Variants in RABGAP1L observed in about 807,000 individuals in gnomAD.
RABGAP1L encodes RAB GTPase activating protein 1 like.
RABGAP1L carries 63 observed loss-of-function variants against 137.7 expected under a neutral mutation model. That is an observed-to-expected ratio of 0.46 (90% CI 0.37 to 0.56). RABGAP1L has a LOEUF of 0.56. RABGAP1L is among the 20% of genes least tolerant of loss of function. The pLI, the probability that RABGAP1L is intolerant of heterozygous loss-of-function variation, is 0.00. For missense variants in RABGAP1L, 1,095 were observed against 1,244.0 expected, an observed-to-expected ratio of 0.88 and a Z score of 1.80; for synonymous variants, 431 against 433.7, an observed-to-expected ratio of 0.99 and a Z score of 0.08.
At chr1:174,563,001 A>G (rs901643340) in intron 13 of RABGAP1L, among the ~76,000 whole-genome samples, 9 of 151,812 alleles carry the variant, frequency 5.9e-5, no homozygotes, top group African/African-American at 2.2e-4. Context: ...CTTAAAGTAT[A>G]ATAAAAAAAG....
chr1:174,322,029 T>G (rs1416536463), intron 11 of RABGAP1L, among the ~76,000 whole-genome samples: 1 of 152,212 alleles, frequency 6.6e-6, no homozygotes, highest in African/African-American at 2.4e-5. Context: ...TCTTTCATTC[T>G]GTAATTTGTT....
At chr1:174,480,646 A>G (rs536972909) in intron 13 of RABGAP1L, among the ~76,000 whole-genome samples, 1 of 152,308 alleles carries the variant, frequency 6.6e-6, no homozygotes, top group East Asian at 1.9e-4. Flanking sequence ...AAAGTTTTGT[A>G]TCAGAAATAG....
intron 3 of RABGAP1L, among the ~76,000 whole-genome samples, chr1:174,222,059 G>A (rs980639967): frequency 6.6e-6 from 1 of 151,322 alleles, no homozygotes; most frequent in African/African-American, 2.4e-5. Context: ...TGAATTCCTG[G>A]CTTCAGGTGA....
At chr1:174,166,280 G>C (rs1487790119) in intron 1 of RABGAP1L, among the ~76,000 whole-genome samples, 2 of 151,992 alleles carry the variant, frequency 1.3e-5, no homozygotes, top group Non-Finnish European at 2.9e-5. Flanking sequence ...CAAATTGGCT[G>C]TAGTAGAACA....
chr1:174,604,583 G>T (rs1445771413), intron 13 of RABGAP1L, among the ~76,000 whole-genome samples: 1 of 152,158 alleles, frequency 6.6e-6, no homozygotes, highest in Non-Finnish European at 1.5e-5. Flanking sequence ...GTATTCCTGT[G>T]GAGGGGATAA....
intron 13 of RABGAP1L, among the ~76,000 whole-genome samples, chr1:174,434,933 TTAA>T (rs1200150537): frequency 2.0e-5 from 3 of 152,248 alleles, no homozygotes; most frequent in Admixed American, 6.5e-5. Context: ...GCTGATTTTC[TTAA>T]TGATGTCTTT....
chr1:174,400,695 C>T (rs547646687), intron 13 of RABGAP1L, among the ~76,000 whole-genome samples: 91 of 152,072 alleles, frequency 6.0e-4, no homozygotes, highest in Non-Finnish European at 7.6e-4. Flanking sequence ...GTGAACTAAC[C>T]TCTTCTCTTT....
chr1:174,862,134 G>A (rs139613842), intron 19 of RABGAP1L, among the ~76,000 whole-genome samples: 415 of 152,186 alleles, frequency 2.7e-3, no homozygotes, highest in Non-Finnish European at 4.1e-3. Flanking sequence ...ATAAGATAAG[G>A]GTCCAGTTTC....
intron 5 of RABGAP1L, among the ~76,000 whole-genome samples, chr1:174,246,744 TG>T (rs1031366424): frequency 6.6e-6 from 1 of 152,182 alleles, no homozygotes; most frequent in African/African-American, 2.4e-5. Flanking sequence ...CTGGGAGTTT[TG>T]GGGGGTCCTA....
rs1433609141 is a variant in RABGAP1L, at chr1:174,238,385, C to T, written c.543-3098C>T. Among the ~76,000 whole-genome samples, 10 of 152,026 alleles carry T rather than the reference C, an allele frequency of 6.6e-5. No homozygotes were observed. The South Asian group carries it at 1.2e-3, about 19-fold the overall frequency. On this transcript the variant is annotated intron_variant, in intron 4 of 25. Coordinates refer to ENST00000681986, the MANE Select transcript of RABGAP1L (RefSeq NM_001366446.1). Reference sequence around the variant, plus strand: ...TCCAGTTTTTCTGTTCTGTTTTTTCCCCATCTTTGTGGTTTTATCTACTTT... The same window carrying T: ...TCCAGTTTTTCTGTTCTGTTTTTTCTCCATCTTTGTGGTTTTATCTACTTT...
intron 1 of RABGAP1L, among the ~76,000 whole-genome samples, chr1:174,200,343 A>G (rs1571512047): frequency 6.6e-6 from 1 of 152,362 alleles, no homozygotes; most frequent in South Asian, 2.1e-4. Flanking sequence ...AACAGCTTCT[A>G]TTCTTGACAG....
chr1:174,238,525 C>A lies in RABGAP1L; in HGVS notation c.543-2958C>A, dbSNP rs546103635. ...GCTGCAGGTCTGTTGGAATACCCTG[C>A]AGTGTGAGGTGTCAGTGTGCCTCTG... is the stretch of plus-strand genomic sequence containing the variant. On this transcript the variant is annotated intron_variant, in intron 4 of 25. Coordinates refer to ENST00000681986, the MANE Select transcript of RABGAP1L (RefSeq NM_001366446.1). 9.2e-5 allele frequency among the ~76,000 whole-genome samples: 14 copies of A among 152,118 alleles called. 1 individual carries two copies. Among genetic ancestry groups the A allele is most frequent in the African/African-American group, 3.1e-4 (13 of 41,462 alleles).
intron 10 of RABGAP1L, among the ~76,000 whole-genome samples, chr1:174,293,723 C>T (rs2148726910): frequency 6.6e-6 from 1 of 152,148 alleles, no homozygotes; most frequent in East Asian, 1.9e-4. Context: ...TGCCGGTATT[C>T]ATTTTAGAAA....
At chr1:174,474,459 C>T (rs1658274445) in intron 13 of RABGAP1L, among the ~76,000 whole-genome samples, 1 of 152,192 alleles carries the variant, frequency 6.6e-6, no homozygotes, top group Admixed American at 6.5e-5. Flanking sequence ...AGTAAGAGTG[C>T]TCTGCTCTTT....
At chr1:174,974,095 TCTC>T (rs1373816124) in intron 21 of RABGAP1L, among the ~76,000 whole-genome samples, 1 of 150,538 alleles carries the variant, frequency 6.6e-6, no homozygotes, top group Non-Finnish European at 1.5e-5. Flanking sequence ...TTCACGCCAT[TCTC>T]CTGCCTCAGC....
At chr1:174,169,978 C>A (rs1665218677) in intron 1 of RABGAP1L, among the ~76,000 whole-genome samples, 1 of 152,164 alleles carries the variant, frequency 6.6e-6, no homozygotes, top group Admixed American at 6.5e-5. Flanking sequence ...GCCACTAAAC[C>A]CTGCACAATT....
At chr1:174,547,487 T>C (rs965000663) in intron 13 of RABGAP1L, among the ~76,000 whole-genome samples, 2 of 152,152 alleles carry the variant, frequency 1.3e-5, no homozygotes, top group Non-Finnish European at 2.9e-5. Context: ...TGTGATAGTG[T>C]GTGCCTGTAT....
intron 19 of RABGAP1L, among the ~76,000 whole-genome samples, chr1:174,895,046 C>T (rs1449133780): frequency 1.3e-5 from 2 of 152,166 alleles, no homozygotes; most frequent in Admixed American, 6.5e-5. Flanking sequence ...CGTGAGCCAC[C>T]GTGCCTGGCC....
chr1:174,790,868 T>G (rs1687803482), intron 18 of RABGAP1L, among the ~76,000 whole-genome samples: 1 of 151,614 alleles, frequency 6.6e-6, no homozygotes, highest in Non-Finnish European at 1.5e-5. Flanking sequence ...CCACCTTTGT[T>G]TCACAACATG....
Sources: allele counts gnomAD v4.1 joint callset (sites outside exome capture counted in the v4.1 genomes callset), GRCh38; gene constraint gnomAD v4.1.1; transcripts MANE v1.5; gene names NCBI Gene and HGNC (gene_info 2026-07-23, HGNC 2026-07-21).